The following ETNK1 variants were observed in gnomAD, a reference collection of about 807,000 sequenced individuals.
The protein encoded by ETNK1 is putative protein product of Nbla10396.
ETNK1 carries 8 observed loss-of-function variants against 45.1 expected under a neutral mutation model. The observed-to-expected ratio is 0.18, with a 90% CI of 0.10 to 0.32. The LOEUF (loss-of-function observed/expected upper bound fraction) is 0.32, where lower values mean the gene tolerates loss of function less well. ETNK1 is among the 10% of genes least tolerant of loss of function. The pLI is 1.00. For missense variants in ETNK1, 302 were observed against 430.6 expected (o/e 0.70, Z 2.64); for synonymous variants, 152 against 151.9 (o/e 1.00, Z -0.01).
chr12:22,638,939 C>T (rs1953692440), intron 1 of ETNK1: 1 of 152,016 alleles, frequency 6.6e-6, no homozygotes, highest in African/African-American at 2.4e-5. Flanking sequence ...TGCGTGATCA[C>T]AGCACCATTA....
intron 1 of ETNK1, among the ~76,000 whole-genome samples, chr12:22,638,230 C>G (rs1457412892): frequency 2.0e-5 from 3 of 150,886 alleles, no homozygotes; most frequent in Non-Finnish European, 4.4e-5. Flanking sequence ...TTTTTTCCCC[C>G]TTTTTAACCT....
chr12:22,671,182 A>ATAT, intron 4 of ETNK1, 90 bp from the exon 5 acceptor site: 1 of 923,860 alleles, frequency 1.1e-6, no homozygotes. Context: ...ATGAGACAAA[A>ATAT]TATTGGAAGC....
intron 6 of ETNK1, among the ~76,000 whole-genome samples, chr12:22,682,632 G>C (rs537316833): frequency 1.3e-5 from 2 of 152,088 alleles, no homozygotes; most frequent in Non-Finnish European, 2.9e-5. Flanking sequence ...AGTTTTAATG[G>C]CTTCACAAAG....
At chr12:22,631,499 C>T (rs118124450) in intron 1 of ETNK1, among the ~76,000 whole-genome samples, 1,552 of 152,056 alleles carry the variant, frequency 0.01, 12 homozygotes, top group Non-Finnish European at 0.014. Flanking sequence ...GTGAAGTGTG[C>T]TTTAGTTTTA....
chr12:22,634,858 A>G (rs1953634420), intron 1 of ETNK1, among the ~76,000 whole-genome samples: 1 of 152,178 alleles, frequency 6.6e-6, no homozygotes, highest in Non-Finnish European at 1.5e-5. Flanking sequence ...TCTGGCCCAA[A>G]TAATAATTTT....
rs1052266833 is a variant in ETNK1, at chr12:22,625,658, C to A, written c.156+72C>A. On this transcript the variant is annotated intron_variant, in intron 1 of 7. Transcript: ENST00000266517. ...CTCTGGGGGTCCTCACCACAATCGC[C>A]TCTGTCCCACGATGACCGAGGAGGA... 3.2e-5 allele frequency: 49 copies of A among 1,515,270 alleles called. No homozygotes were observed. In the African/African-American group the frequency reaches 6.5e-4, roughly 20 times the overall value. The allele number at this position is 1,515,270 out of a possible 1,614,324, so 93.9% of individuals were successfully genotyped here.
In ETNK1 at chr12:22,626,381, A is replaced by G. The variant is rs547957735; in HGVS notation, c.156+795A>G. 3.9e-5 allele frequency among the ~76,000 whole-genome samples: 6 copies of G among 152,268 alleles called. No individual in the cohort carries two copies. In the East Asian group the frequency reaches 9.6e-4, roughly 24 times the overall value. ...TCTGTTTTTAGCTTTAGTTTCAGGA[A>G]CTAGATACAAAAATAGATCTCTTTT... On this transcript the variant is annotated intron_variant, in intron 1 of 7. Coordinates refer to ENST00000266517, the MANE Select transcript of ETNK1 (RefSeq NM_018638.5).
At position 22,663,411 on chromosome 12, in the gene ETNK1, C is replaced by T. The variant is rs140094963; in HGVS notation, c.700+2206C>T. On this transcript the variant is annotated intron_variant, in intron 4 of 7. Coordinates refer to ENST00000266517, the MANE Select transcript of ETNK1 (RefSeq NM_018638.5). Reference sequence around the variant, plus strand: ...CCTTTAGAATATAATTTTAAACTTTCATATTTTTATTTTTGTAAGTTTCTT... The same window carrying T: ...CCTTTAGAATATAATTTTAAACTTTTATATTTTTATTTTTGTAAGTTTCTT... Among the ~76,000 whole-genome samples the T allele has an allele frequency of 3.7e-3, 558 of 152,252 alleles. 4 individuals are homozygous for T. Among genetic ancestry groups the T allele is most frequent in the African/African-American group, 0.013 (534 of 41,578 alleles).
At chr12:22,673,366 A>C (rs952134348) in intron 5 of ETNK1, 134 bp from the exon 6 acceptor site, 1 of 547,708 alleles carries the variant, frequency 1.8e-6, no homozygotes, top group Admixed American at 3.4e-5. Context: ...AATGCTTTTT[A>C]CTTAACATGC....
intron 4 of ETNK1, among the ~76,000 whole-genome samples, chr12:22,669,411 C>T (rs897145594): frequency 6.6e-6 from 1 of 151,872 alleles, no homozygotes; most frequent in Non-Finnish European, 1.5e-5. Flanking sequence ...CCTTCCCCCC[C>T]ATGCATTATT....
chr12:22,679,378 A>G (rs901697403), intron 6 of ETNK1, among the ~76,000 whole-genome samples: 6 of 152,138 alleles, frequency 3.9e-5, no homozygotes, highest in African/African-American at 1.4e-4. Context: ...CAGCAAGCAA[A>G]GTTATCCTAC....
chr12:22,644,150 G>T lies in ETNK1; in HGVS notation c.416+128G>T, dbSNP rs545898774. 1.3e-5 allele frequency: 19 copies of T among 1,507,268 alleles called. No individual in the cohort carries two copies. In the African/African-American group the frequency reaches 2.4e-4, roughly 19 times the overall value. 93.4% of individuals were successfully genotyped at this position (1,507,268 alleles called of 1,614,324 possible). A position where few individuals can be genotyped will look rare whatever the true frequency, so the allele number is the denominator to read the frequency against. ...AACTTAGAAACTTTCTTTAGCTAGGGTTTTTGTTTTTGTTCTTGTTTTCCC... is the reference window on the plus strand; with the variant it reads ...AACTTAGAAACTTTCTTTAGCTAGGTTTTTTGTTTTTGTTCTTGTTTTCCC... On this transcript the variant is annotated intron_variant, in intron 2 of 7. Coordinates refer to ENST00000266517, the MANE Select transcript of ETNK1 (RefSeq NM_018638.5).
At chr12:22,658,109 C>T (rs1953962241) in intron 2 of ETNK1, among the ~76,000 whole-genome samples, 3 of 151,102 alleles carry the variant, frequency 2.0e-5, no homozygotes, top group Admixed American at 2.0e-4. Flanking sequence ...TTTGAAGTTC[C>T]TTAGGAAAAT....
intron 1 of ETNK1, among the ~76,000 whole-genome samples, chr12:22,643,233 A>C (rs1953761517): frequency 6.6e-6 from 1 of 152,076 alleles, no homozygotes; most frequent in South Asian, 2.1e-4. Context: ...CATAATGTAA[A>C]TTATGGTAGA....
At chr12:22,645,967 C>G (rs565638698) in intron 2 of ETNK1, among the ~76,000 whole-genome samples, 140 of 151,856 alleles carry the variant, frequency 9.2e-4, no homozygotes, top group Non-Finnish European at 1.7e-3. Flanking sequence ...CATCAATACT[C>G]TGAATTCTTT....
At chr12:22,640,396 CTT>C (rs77034488) in intron 1 of ETNK1, among the ~76,000 whole-genome samples, 24 of 126,356 alleles carry the variant, frequency 1.9e-4, no homozygotes, top group Admixed American at 2.4e-4. Context: ...AATTGAAAGC[CTT>C]TTTTTTTTTT....
At chr12:22,674,434 A>C (rs1282578088) in intron 6 of ETNK1, among the ~76,000 whole-genome samples, 2 of 152,196 alleles carry the variant, frequency 1.3e-5, no homozygotes, top group African/African-American at 4.8e-5. Context: ...TAGTCTTAAA[A>C]GTACCATATG....
At chr12:22,670,067 C>T (rs930034302) in intron 4 of ETNK1, among the ~76,000 whole-genome samples, 1 of 151,960 alleles carries the variant, frequency 6.6e-6, no homozygotes, top group Non-Finnish European at 1.5e-5. Context: ...TTTTTTGTCA[C>T]GTAATTTTGT....
intron 6 of ETNK1, among the ~76,000 whole-genome samples, chr12:22,683,279 GAC>G (rs1327717601): frequency 6.7e-6 from 1 of 149,416 alleles, no homozygotes; most frequent in African/African-American, 2.5e-5. Context: ...TTTTTTAAGA[GAC>G]AGTGTCTCAC....
Sources: allele counts gnomAD v4.1 joint callset (sites outside exome capture counted in the v4.1 genomes callset), GRCh38; gene constraint gnomAD v4.1.1; transcripts MANE v1.5; gene names NCBI Gene and HGNC (gene_info 2026-07-23, HGNC 2026-07-21).